The following TENM1 variants were observed in gnomAD, a reference collection of about 807,000 sequenced individuals.
The protein encoded by TENM1 is teneurin-1.
TENM1 carries 35 observed loss-of-function variants against 174.8 expected under a neutral mutation model. The ratio of observed to expected loss-of-function variants is 0.20; its 90% confidence interval spans 0.15 to 0.27. The LOEUF (loss-of-function observed/expected upper bound fraction) is 0.27, where lower values mean the gene tolerates loss of function less well. TENM1 is among the 10% of genes least tolerant of loss of function. TENM1 has a pLI of 1.00. For synonymous variants in TENM1, 781 were observed against 798.7 expected (o/e 0.98, Z 0.37); for missense variants, 1,633 against 2,130.1 (o/e 0.77, Z 4.59).
At chrX:124,517,961 T>C (rs2047752654) in intron 18 of TENM1, among the ~76,000 whole-genome samples, 1 of 111,271 alleles carries the variant, frequency 9.0e-6, no homozygotes, top group African/African-American at 3.3e-5. Context: ...TTGAGTATGA[T>C]TCAGTGAGGG....
At chrX:124,768,646 G>C (rs1377823148) in intron 3 of TENM1, among the ~76,000 whole-genome samples, 2 of 112,498 alleles carry the variant, frequency 1.8e-5, no homozygotes, top group Non-Finnish European at 3.8e-5. Flanking sequence ...AGTAATGATA[G>C]AGGAAGAAGT....
At chrX:124,741,447 T>C (rs1163519215) in intron 3 of TENM1, among the ~76,000 whole-genome samples, 1 of 111,230 alleles carries the variant, frequency 9.0e-6, no homozygotes. Flanking sequence ...TGCAATTCAC[T>C]GCACTATGCA....
chrX:124,954,305 T>A (rs1315739514), intron 1 of TENM1, among the ~76,000 whole-genome samples: 1 of 110,837 alleles, frequency 9.0e-6, no homozygotes, highest in Non-Finnish European at 1.9e-5. Flanking sequence ...ACAGAAATGA[T>A]GACCTTCAAA....
At chrX:124,639,310 C>T (rs1180371497) in intron 11 of TENM1, among the ~76,000 whole-genome samples, 1 of 111,742 alleles carries the variant, frequency 8.9e-6, no homozygotes, top group Non-Finnish European at 1.9e-5. Flanking sequence ...GCTCCTTCTG[C>T]CTGAAATGTT....
chrX:124,439,551 A>T (rs1603267247), intron 23 of TENM1, among the ~76,000 whole-genome samples: 2 of 111,854 alleles, frequency 1.8e-5, no homozygotes, highest in East Asian at 5.6e-4. Flanking sequence ...GGAAGGTCAC[A>T]GCAGGTTAAG....
chrX:125,075,200 C>A, the TENM1 span, among the ~76,000 whole-genome samples: 1 of 111,392 alleles, frequency 9.0e-6, no homozygotes, highest in Admixed American at 9.5e-5. Flanking sequence ...TTTGTATTTT[C>A]ATAATATTTG....
intron 3 of TENM1, among the ~76,000 whole-genome samples, chrX:124,857,173 T>A (rs2056829863): frequency 9.0e-6 from 1 of 111,492 alleles, no homozygotes; most frequent in Non-Finnish European, 1.9e-5. Flanking sequence ...TATTTTCATC[T>A]GAGGGAAAAC....
chrX:125,142,989 C>G, the TENM1 span, among the ~76,000 whole-genome samples: 1 of 111,953 alleles, frequency 8.9e-6, no homozygotes, highest in Non-Finnish European at 1.9e-5. Flanking sequence ...ACAATAAACA[C>G]AATTCAAGTA....
At chrX:124,612,525 T>G (rs1169197375) in intron 11 of TENM1, among the ~76,000 whole-genome samples, 1 of 111,519 alleles carries the variant, frequency 9.0e-6, no homozygotes, top group African/African-American at 3.3e-5. Context: ...CTTCCAGCAG[T>G]GTCACCCATC....
In TENM1 at chrX:124,785,709, GC is replaced by G. The variant is rs2055019717; in HGVS notation, c.536-48513del. On this transcript the variant is annotated intron_variant, in intron 3 of 31. Transcript: ENST00000422452. Reference sequence around the variant, plus strand: ...AATCACTTTAGATGCTGTAACAAGTGCTAAACAGAATGGACTTGAAGTAACA... The same window carrying G: ...AATCACTTTAGATGCTGTAACAAGTGTAAACAGAATGGACTTGAAGTAACA... 8.9e-5 allele frequency among the ~76,000 whole-genome samples: 10 copies of G among 112,038 alleles called. No homozygotes were observed. In the Admixed American group the frequency reaches 9.4e-4, roughly 11 times the overall value.
chrX:124,788,291 T>C (rs1389882588), intron 3 of TENM1, among the ~76,000 whole-genome samples: 3 of 110,815 alleles, frequency 2.7e-5, no homozygotes, highest in African/African-American at 9.9e-5. Flanking sequence ...ACACGGAAAT[T>C]ATGGGAGCTA....
chrX:124,986,491 T>C, the TENM1 span, among the ~76,000 whole-genome samples: 1 of 112,165 alleles, frequency 8.9e-6, no homozygotes, highest in Non-Finnish European at 1.9e-5. Context: ...CAGCACAATG[T>C]ATTGCACAAC....
chrX:124,643,893 T>C (rs1432975943), intron 10 of TENM1, among the ~76,000 whole-genome samples: 1 of 108,289 alleles, frequency 9.2e-6, no homozygotes, highest in Non-Finnish European at 1.9e-5. Context: ...AGTATTTTTT[T>C]ACTAACACTG....
intron 11 of TENM1, among the ~76,000 whole-genome samples, chrX:124,629,252 T>G (rs1381307073): frequency 8.9e-6 from 1 of 112,417 alleles, no homozygotes; most frequent in Non-Finnish European, 1.9e-5. Flanking sequence ...AGAGGCAGAA[T>G]AGCTACTTGT....
At chrX:125,075,300 TTGTAGCA>T in the TENM1 span, among the ~76,000 whole-genome samples, 5 of 112,120 alleles carry the variant, frequency 4.5e-5, no homozygotes, top group Admixed American at 2.8e-4. Flanking sequence ...TTCATCCATG[TTGTAGCA>T]TGTATCAAAA....
intron 5 of TENM1, among the ~76,000 whole-genome samples, chrX:124,702,933 G>A (rs2052809335): frequency 8.9e-6 from 1 of 111,909 alleles, no homozygotes; most frequent in African/African-American, 3.2e-5. Flanking sequence ...GCCAGGCACT[G>A]TTCTTGGTGC....
chrX:124,623,675 T>A (rs2050574418), intron 11 of TENM1, among the ~76,000 whole-genome samples: 1 of 111,801 alleles, frequency 8.9e-6, no homozygotes, highest in South Asian at 3.8e-4. Flanking sequence ...AATCTGCATC[T>A]GGTAATATCA....
intron 3 of TENM1, among the ~76,000 whole-genome samples, chrX:124,830,313 A>C (rs2056261704): frequency 8.9e-6 from 1 of 111,744 alleles, no homozygotes; most frequent in Admixed American, 9.5e-5. Flanking sequence ...TCAGAAACTG[A>C]GCGAAAACAT....
chrX:124,807,666 T>A (rs2055638674), intron 3 of TENM1, among the ~76,000 whole-genome samples: 2 of 110,957 alleles, frequency 1.8e-5, no homozygotes, highest in African/African-American at 6.6e-5. Flanking sequence ...ATGTAAATGG[T>A]GACATTAAAA....
Sources: gnomAD v4.1 joint callset for allele counts (sites outside exome capture counted in the v4.1 genomes callset) on GRCh38, gnomAD v4.1.1 for gene constraint, MANE v1.5 for transcripts, NCBI Gene and HGNC (gene_info 2026-07-23, HGNC 2026-07-21) for gene names.